Variants in SLC2A7 observed in about 807,000 individuals in gnomAD.
SLC2A7 encodes solute carrier family 2, facilitated glucose transporter member 7.
SLC2A7 carries 50 observed loss-of-function variants against 50.5 expected under a neutral mutation model. That is an observed-to-expected ratio of 0.99 (90% CI 0.79 to 1.25). SLC2A7 has a LOEUF of 1.25. SLC2A7 is among the 50% of genes most tolerant of loss of function. The probability of loss-of-function intolerance (pLI) is 0.00; values close to 1 mark genes in which losing one functional copy is unlikely to be tolerated. For synonymous variants in SLC2A7, 308 were observed against 300.4 expected, an observed-to-expected ratio of 1.03 and a Z score of -0.26; for missense variants, 683 against 679.1, an observed-to-expected ratio of 1.01 and a Z score of -0.06.
intron 7 of SLC2A7, among the ~76,000 whole-genome samples, chr1:9,014,334 C>T (rs1240812773): frequency 6.6e-6 from 1 of 152,228 alleles, no homozygotes; most frequent in Non-Finnish European, 1.5e-5. Flanking sequence ...AAGATGGGCT[C>T]CTGACACAGG....
At chr1:9,025,150 C>T (rs1640978017) in intron 1 of SLC2A7, 76 bp from the exon 2 acceptor site, 2 of 1,454,932 alleles carry the variant, frequency 1.4e-6, no homozygotes, top group South Asian at 1.2e-5. Context: ...CCTCCACCTC[C>T]CTCCAGCCTG....
chr1:9,010,119 A>C (rs67090552), intron 9 of SLC2A7, 24 bp downstream of exon 9: 87 of 1,399,006 alleles, frequency 6.2e-5, no homozygotes, highest in East Asian at 1.3e-4. Context: ...CTCCCCACCC[A>C]GGGGGCAGGA....
At chr1:9,010,083 C>T (rs1442595988) in intron 9 of SLC2A7, 60 bp downstream of exon 9, 2 of 1,487,464 alleles carry the variant, frequency 1.3e-6, no homozygotes, top group African/African-American at 1.4e-5. Flanking sequence ...CCGGTTCAGT[C>T]AGGGGACCTC....
rs906505528 is a variant in SLC2A7 at position 9,008,708 on chromosome 1, T to G, written c.1117-1323A>C. Among the ~76,000 whole-genome samples the G allele has an allele frequency of 6.6e-6, 1 of 151,880 alleles. No individual in the cohort carries two copies. Among genetic ancestry groups the G allele is most frequent in the East Asian group, 1.9e-4 (1 of 5,170 alleles). On this transcript the variant is annotated intron_variant, in intron 9 of 11. Coordinates refer to ENST00000400906, the MANE Select transcript of SLC2A7 (RefSeq NM_207420.3). This position sits in a 1 kb window ranked among gnomAD's most constrained non-coding sequence, Gnocchi z 5.9. The stretch of plus-strand genomic sequence containing the variant: ...GCCTCCTGAGTTCAAGTGATTCTCC[T>G]GCCTCAGCCTCCCGAGTAACTGGGA...
intron 1 of SLC2A7, among the ~76,000 whole-genome samples, chr1:9,025,912 G>T (rs1459055254): frequency 3.3e-5 from 5 of 152,120 alleles, no homozygotes; most frequent in Non-Finnish European, 7.4e-5. Flanking sequence ...ACACTTAGCT[G>T]CCTGGCTGCC....
intron 8 of SLC2A7, among the ~76,000 whole-genome samples, chr1:9,010,864 T>A (rs1640739048): frequency 6.6e-6 from 1 of 152,220 alleles, no homozygotes; most frequent in South Asian, 2.1e-4. Context: ...TGCTTTGACA[T>A]CTTGGGACCT....
At chr1:8,994,133 G>A in the SLC2A7 span, among the ~76,000 whole-genome samples, 6 of 152,294 alleles carry the variant, frequency 3.9e-5, no homozygotes, top group South Asian at 6.2e-4. Context: ...ACTCCTGTAA[G>A]CTGCCTAACC....
chr1:9,025,173 G>T, intron 1 of SLC2A7, 99 bp from the exon 2 acceptor site: 1 of 1,236,538 alleles, frequency 8.1e-7, no homozygotes. Context: ...CTGGAAGTGG[G>T]GGATGGGGGA....
At position 9,013,650 on chromosome 1, in the gene SLC2A7, A is replaced by G. The variant is rs1238907334; in HGVS notation, c.904-15T>C. Reference sequence around the variant, plus strand: ...TAGTAGTTGATCTAAACAAAAACACAGGGCTGTCAGGACAGGCCGGAAGAC... The same window carrying G: ...TAGTAGTTGATCTAAACAAAAACACGGGGCTGTCAGGACAGGCCGGAAGAC... On this transcript the variant is annotated splice_polypyrimidine_tract_variant and intron_variant, in intron 7 of 11. Transcript: ENST00000400906. The G allele has an allele frequency of 6.8e-6, 11 of 1,608,760 alleles. No homozygotes were observed. Among genetic ancestry groups the G allele is most frequent in the South Asian group, 2.2e-5 (2 of 90,726 alleles).
In SLC2A7 at chr1:9,004,854, G is replaced by A. The variant is rs139989195; in HGVS notation, c.1218C>T (p.Thr406=). Residue 406 remains threonine (T), a synonymous_variant, in exon 11 of 12, where the codon ACC becomes ACT. Transcript: ENST00000400906. The stretch of plus-strand genomic sequence containing the variant: ...GCCGGGAGGACTGCAGGAAGATCTC[G>A]GTCCTCACCACCGAGGGGACAGGAC... ...GPSPVPSVVR[T]EIFLQSSRRA... 1.7e-4 allele frequency: 269 copies of A among 1,613,928 alleles called. 1 individual carries two copies. In the South Asian group the frequency reaches 2.5e-3, roughly 15 times the overall value.
intron 3 of SLC2A7, 77 bp from the exon 4 acceptor site, chr1:9,019,410 C>T (rs749855344): frequency 3.0e-5 from 48 of 1,576,124 alleles, no homozygotes; most frequent in Middle Eastern, 3.5e-4. Context: ...TCCTATTCTG[C>T]GGGCAGTCAC....
At chr1:9,000,307 C>A (rs538835907), downstream of SLC2A7, among the ~76,000 whole-genome samples, 35 of 151,952 alleles carry the variant, frequency 2.3e-4, no homozygotes, top group African/African-American at 8.2e-4. Context: ...GACAACAGAG[C>A]GAGACCCTGT....
At chr1:9,015,599 C>T (rs963990619) in intron 5 of SLC2A7, among the ~76,000 whole-genome samples, 3 of 152,208 alleles carry the variant, frequency 2.0e-5, no homozygotes, top group South Asian at 2.1e-4. Context: ...CTGGACCCTG[C>T]GCTGGGTCTG....
chr1:9,014,826 A>C lies in SLC2A7; in HGVS notation c.758T>G (p.Leu253Arg). The change falls in exon 7 of 12, where the codon CTG becomes CGG. Residue 253 changes from leucine (L) to arginine (R), a missense_variant. Transcript: ENST00000400906. ...LRGHTDMEAE[L>R]EDMRAEARAE... ...CCGGGCCTCCGCACGCATGTCCTCC[A>C]GCTCGGCCTCCATGTCCGTGTGGCC... 1 of 1,605,832 alleles carries C rather than the reference A, an allele frequency of 6.2e-7. No individual in the cohort carries two copies. Among genetic ancestry groups the C allele is most frequent in the Non-Finnish European group, 8.5e-7 (1 of 1,177,014 alleles).
rs34111359 is a variant in SLC2A7 at position 9,003,044 on chromosome 1, A to G, written c.*256T>C. On this transcript the variant is annotated 3_prime_UTR_variant, in exon 12 of 12. Transcript: ENST00000400906. ...CATTTAAATTTTGGTGCCAATGTAG[A>G]ATCGGAAAATCGAGTCTTAACCAAT... Among the ~76,000 whole-genome samples the G allele has an allele frequency of 0.092, 13,959 of 152,270 alleles. 657 individuals are homozygous for G. The highest frequency in any genetic ancestry group is 0.11 in the Middle Eastern group (33 of 294).
Position 9,011,907 on chromosome 1 carries a change from G to A in SLC2A7, c.1014+1618C>T, listed in dbSNP as rs1640756266. 1.3e-5 allele frequency among the ~76,000 whole-genome samples: 2 copies of A among 151,596 alleles called. 1 individual carries two copies. The highest frequency in any genetic ancestry group is 4.2e-4 in the South Asian group (2 of 4,782). ...TGGGATTACAGGCATGTGCTATCAC[G>A]CCCGGCTAATTTTTGTATTTTCAGT... is the stretch of plus-strand genomic sequence containing the variant. On this transcript the variant is annotated intron_variant, in intron 8 of 11. Coordinates refer to ENST00000400906, the MANE Select transcript of SLC2A7 (RefSeq NM_207420.3).
chr1:9,018,249 A>T lies in SLC2A7; in HGVS notation c.563T>A (p.Leu188His). The change falls in exon 5 of 12, where the codon CTC becomes CAC. Residue 188 changes from leucine (L) to histidine (H), a missense_variant. Transcript: ENST00000400906. ...TGCCGGGTTGCCCAAGATGGCCTGGAGGCTGAAGATCTGTGCTAGGAAGAC... is the reference window on the plus strand; with the variant it reads ...TGCCGGGTTGCCCAAGATGGCCTGGTGGCTGAAGATCTGTGCTAGGAAGAC... ...VGVFLAQIFSLQAILGNPAGW... is the reference protein window; with the variant it reads ...VGVFLAQIFSHQAILGNPAGW... 2 of 1,614,126 alleles carry T rather than the reference A, an allele frequency of 1.2e-6. No homozygotes were observed. The highest frequency in any genetic ancestry group is 1.7e-5 in the Admixed American group (1 of 60,010).
chr1:9,019,231 TCGGGAAAAGA>T lies in SLC2A7; in HGVS notation c.404_413del (p.Val135GlufsTer27), dbSNP rs762428571. The stretch of plus-strand genomic sequence containing the variant: ...TACCTGCACAGACTCCCAGCACCAC[TCGGGAAAAGA>T]CGATCAGCTCAAAAGCCTTGGCCAC... On this transcript the variant is annotated frameshift_variant, in exon 4 of 12. Transcript: ENST00000400906. LOFTEE classifies it high-confidence loss of function. 1.2e-6 allele frequency: 2 copies of T among 1,613,834 alleles called. No individual in the cohort carries two copies. Among genetic ancestry groups the T allele is most frequent in the East Asian group, 4.5e-5 (2 of 44,870 alleles).
intron 11 of SLC2A7, 109 bp downstream of exon 11, chr1:9,004,623 TGGACCCTTGGATGTGTCTGA>T: frequency 8.5e-7 from 1 of 1,178,556 alleles, no homozygotes; most frequent in Non-Finnish European, 1.2e-6. Flanking sequence ...CGTGTGTCTG[TGGACCCTTGGATGTGTCTGA>T]GAGCCTGTCC....
Sources: allele counts gnomAD v4.1 joint callset (sites outside exome capture counted in the v4.1 genomes callset), GRCh38; gene constraint gnomAD v4.1.1; non-coding constraint Gnocchi (gnomAD v3.1); transcripts MANE v1.5; gene names NCBI Gene and HGNC (gene_info 2026-07-23, HGNC 2026-07-21).